Variants in TRPV5 observed in about 807,000 individuals in gnomAD.
TRPV5 encodes transient receptor potential cation channel subfamily V member 5.
Under a neutral mutation model 74.1 loss-of-function variants are expected in TRPV5, and 66 were observed. The observed-to-expected ratio is 0.89, with a 90% confidence interval of 0.73 to 1.09. The LOEUF is 1.09. Ranked by LOEUF, TRPV5 falls within the 50% of genes least tolerant of loss-of-function variation. The probability of loss-of-function intolerance (pLI) is 0.00; values close to 1 mark genes in which losing one functional copy is unlikely to be tolerated. For synonymous variants in TRPV5, 399 were observed against 360.7 expected, an observed-to-expected ratio of 1.11 and a Z score of -1.20; for missense variants, 936 against 930.4, an observed-to-expected ratio of 1.01 and a Z score of -0.08.
chr7:142,925,113 G>C (rs1259579347), intron 8 of TRPV5: 1 of 341,498 alleles, frequency 2.9e-6, no homozygotes, highest in East Asian at 5.9e-5. Context: ...AGAAGAGGGT[G>C]CAGGCCAGCA....
chr7:142,914,564 C>G, intron 12 of TRPV5, 76 bp downstream of exon 12: 1 of 1,255,480 alleles, frequency 8.0e-7, no homozygotes, highest in Non-Finnish European at 1.1e-6. Flanking sequence ...CAAATGAGAA[C>G]TGAGAGCAAG....
In TRPV5 at chr7:142,933,492, A is replaced by C. The variant is rs1477900565; in HGVS notation, c.-33T>G. On this transcript the variant is annotated 5_prime_UTR_variant, in exon 1 of 15. Coordinates refer to ENST00000265310, the MANE Select transcript of TRPV5 (RefSeq NM_019841.7). ...CCTTGCAGACACTGGCAGATTATAG[A>C]AATGTGGCGAAAGAAACAGGTCTAG... The C allele has an allele frequency of 1.9e-6, 3 of 1,601,588 alleles. No individual in the cohort carries two copies. The highest frequency in any genetic ancestry group is 1.3e-5 in the African/African-American group (1 of 74,470).
intron 8 of TRPV5, among the ~76,000 whole-genome samples, chr7:142,917,626 C>G (rs1054163545): frequency 6.6e-6 from 1 of 152,218 alleles, no homozygotes; most frequent in Admixed American, 6.5e-5. Context: ...GATTTCTTTA[C>G]AAGTACGCAT....
At chr7:142,925,787 A>T (rs752162604) in intron 7 of TRPV5, 46 bp from the exon 8 acceptor site, 5 of 1,548,106 alleles carry the variant, frequency 3.2e-6, no homozygotes, top group Non-Finnish European at 4.4e-6. Flanking sequence ...ACACAGAAGG[A>T]TGTTGTTTAT....
chr7:142,922,265 T>A (rs1795897060), intron 8 of TRPV5, among the ~76,000 whole-genome samples: 1 of 152,154 alleles, frequency 6.6e-6, no homozygotes, highest in Non-Finnish European at 1.5e-5. Flanking sequence ...ATTTAATGAA[T>A]GGATTAGCAA....
chr7:142,916,408 C>T (rs1391373956), intron 8 of TRPV5, among the ~76,000 whole-genome samples: 2 of 152,222 alleles, frequency 1.3e-5, no homozygotes, highest in African/African-American at 4.8e-5. Context: ...TAGAATCCTA[C>T]ATTAATTATC....
Position 142,928,944 on chromosome 7 carries a change from A to G in TRPV5, c.586+78T>C. On this transcript the variant is annotated intron_variant, in intron 5 of 14. Transcript: ENST00000265310. ...CCCATCCCCACTCTGGGGTCTTCCT[A>G]AAGGTCCCAGCTCCACTCCTTACCC... 3.7e-6 allele frequency: 6 copies of G among 1,611,550 alleles called. 1 individual carries two copies. The South Asian group carries it at 6.6e-5, about 18-fold the overall frequency.
In TRPV5 at chr7:142,908,636, G is replaced by A. The variant is rs770334665; in HGVS notation, c.2068C>T (p.Arg690Trp). The change falls in exon 15 of 15, where the codon CGG becomes TGG. Residue 690 changes from arginine (R) to tryptophan (W), a missense_variant. Arg to Trp is a moderately radical substitution (Grantham distance 101). Transcript: ENST00000265310. ...SLALPTSSLS[R>W]TASQSSSHRG... ...TGACTGCTGCTCTGGGACGCGGTCC[G>A]GGACAGGGAGGAAGTTGGAAGAGCC... The A allele has an allele frequency of 4.3e-6, 7 of 1,614,226 alleles. No homozygotes were observed. The highest frequency in any genetic ancestry group is 3.3e-5 in the South Asian group (3 of 91,086).
At chr7:142,930,031 C>T (rs750703693) in intron 3 of TRPV5, 27 bp downstream of exon 3, 2 of 1,613,406 alleles carry the variant, frequency 1.2e-6, no homozygotes, top group Non-Finnish European at 1.7e-6. Flanking sequence ...AAAGTTTCCA[C>T]CTTGAATTAC....
chr7:142,916,659 C>A (rs935296347), intron 8 of TRPV5, among the ~76,000 whole-genome samples: 7 of 152,156 alleles, frequency 4.6e-5, no homozygotes, highest in African/African-American at 1.7e-4. Context: ...ATGATTTGAG[C>A]CAGGGAGAAT....
At chr7:142,928,318 C>T (rs1796023568) in intron 6 of TRPV5, 84 bp from the exon 7 acceptor site, 4 of 1,478,862 alleles carry the variant, frequency 2.7e-6, no homozygotes, top group Non-Finnish European at 3.8e-6. Context: ...GAGCCAGTTG[C>T]CCACCCCTTG....
chr7:142,926,122 T>A (rs4252430), intron 7 of TRPV5, among the ~76,000 whole-genome samples: 20,876 of 152,056 alleles, frequency 0.14, 2,878 homozygotes, highest in African/African-American at 0.36. Context: ...TTGGGAGTGG[T>A]AGTCAGAAAT....
At chr7:142,919,888 T>C (rs777549845) in intron 8 of TRPV5, among the ~76,000 whole-genome samples, 8 of 152,176 alleles carry the variant, frequency 5.3e-5, no homozygotes, top group Non-Finnish European at 1.2e-4. Flanking sequence ...GAACCAGTTG[T>C]CCAGCCCAGC....
At position 142,915,557 on chromosome 7, in the gene TRPV5, CTCAT is replaced by C; in HGVS notation, c.1130_1133del (p.Tyr377Ter). The C allele has an allele frequency of 6.2e-7, 1 of 1,614,126 alleles. No homozygotes were observed. Among genetic ancestry groups the C allele is most frequent in the Non-Finnish European group, 8.5e-7 (1 of 1,180,022 alleles). On this transcript the variant is annotated frameshift_variant, in exon 9 of 15. Transcript: ENST00000265310. LOFTEE classifies it high-confidence loss of function. ...CCAGCCTGATGATATCTTCACGTGT[CTCAT>C]AGGCCTCCTATGTGGGGAAATTCAG...
intron 7 of TRPV5, 150 bp downstream of exon 7, chr7:142,927,938 C>T: frequency 1.1e-6 from 1 of 927,208 alleles, no homozygotes; most frequent in Non-Finnish European, 1.6e-6. Context: ...GTGCATTGGA[C>T]TTTCCCCCAT....
At chr7:142,924,030 C>T (rs4252443) in intron 8 of TRPV5, among the ~76,000 whole-genome samples, 8 of 151,654 alleles carry the variant, frequency 5.3e-5, no homozygotes, top group African/African-American at 1.9e-4. Context: ...AATCACTCCT[C>T]CCTCCACTTG....
At chr7:142,931,029 T>TTA (rs1796083038) in intron 1 of TRPV5, among the ~76,000 whole-genome samples, 1 of 146,524 alleles carries the variant, frequency 6.8e-6, no homozygotes, top group East Asian at 2.0e-4. Context: ...TTTTTTTTTT[T>TTA]TTTTTTTTTT....
At chr7:142,914,496 T>C (rs1452380511) in intron 12 of TRPV5, 144 bp downstream of exon 12, 1 of 791,254 alleles carries the variant, frequency 1.3e-6, no homozygotes, top group Non-Finnish European at 2.0e-6. Flanking sequence ...AGACTTACCT[T>C]CCAACAGGAA....
chr7:142,909,700 G>A, intron 13 of TRPV5, 104 bp from the exon 14 acceptor site: 1 of 1,205,452 alleles, frequency 8.3e-7, no homozygotes, highest in Non-Finnish European at 1.2e-6. Flanking sequence ...CTGTGAGATA[G>A]GACACTAGAG....
Sources: gnomAD v4.1 joint callset for allele counts (sites outside exome capture counted in the v4.1 genomes callset) on GRCh38, gnomAD v4.1.1 for gene constraint, MANE v1.5 for transcripts, NCBI Gene and HGNC (gene_info 2026-07-23, HGNC 2026-07-21) for gene names.